The following CATSPERT variants were observed in gnomAD, a reference collection of about 807,000 sequenced individuals.
CATSPERT encodes the protein cation channel sperm-associated targeting subunit tau.
chr2:201,618,570 G>C, the CATSPERT span, among the ~76,000 whole-genome samples: 1 of 131,292 alleles, frequency 7.6e-6, no homozygotes, highest in Non-Finnish European at 1.6e-5. Flanking sequence ...GGGTTGGGGG[G>C]AGGGAGGAGG....
the CATSPERT span, among the ~76,000 whole-genome samples, chr2:201,593,848 C>T: frequency 6.9e-6 from 1 of 145,498 alleles, no homozygotes; most frequent in Non-Finnish European, 1.5e-5. Flanking sequence ...TTCCTCCATC[C>T]TTTTATTTTG....
chr2:201,528,052 T>C, the CATSPERT span, among the ~76,000 whole-genome samples: 1 of 128,042 alleles, frequency 7.8e-6, no homozygotes, highest in Non-Finnish European at 1.7e-5. Flanking sequence ...GGAACTTGAA[T>C]CAACAAGCAA....
the CATSPERT span, among the ~76,000 whole-genome samples, chr2:201,572,926 T>C: frequency 1.3e-5 from 2 of 152,300 alleles, no homozygotes; most frequent in East Asian, 3.9e-4. Flanking sequence ...AAGGCTGATG[T>C]CTTCACTCTC....
the CATSPERT span, among the ~76,000 whole-genome samples, chr2:201,616,578 A>G: frequency 6.6e-6 from 1 of 152,244 alleles, no homozygotes; most frequent in African/African-American, 2.4e-5. Flanking sequence ...AGAGCTATTT[A>G]TGACAAACCC....
chr2:201,608,120 TC>T, the CATSPERT span, among the ~76,000 whole-genome samples: 1 of 152,210 alleles, frequency 6.6e-6, no homozygotes, highest in African/African-American at 2.4e-5. Flanking sequence ...GAGCTGGGAC[TC>T]ATATAGGGTA....
chr2:201,518,431 G>A, the CATSPERT span, among the ~76,000 whole-genome samples: 79 of 152,292 alleles, frequency 5.2e-4, no homozygotes, highest in South Asian at 1.5e-3. Context: ...TAACCAATAG[G>A]ACATCATCTA....
chr2:201,528,603 T>C, the CATSPERT span, among the ~76,000 whole-genome samples: 1 of 152,122 alleles, frequency 6.6e-6, no homozygotes, highest in Non-Finnish European at 1.5e-5. Context: ...AATCATGTCA[T>C]TTGCAGAAAC....
chr2:201,512,179 T>G, the CATSPERT span, among the ~76,000 whole-genome samples: 1 of 152,198 alleles, frequency 6.6e-6, no homozygotes, highest in African/African-American at 2.4e-5. Flanking sequence ...TAGGTAAGTT[T>G]TCTTTTTCGT....
chr2:201,613,264 C>G, the CATSPERT span, among the ~76,000 whole-genome samples: 4 of 152,352 alleles, frequency 2.6e-5, no homozygotes, highest in South Asian at 8.3e-4. Flanking sequence ...TCAAGTGGGT[C>G]CCTGACCCCC....
the CATSPERT span, among the ~76,000 whole-genome samples, chr2:201,609,865 C>CAATTGAAGTA: frequency 6.7e-6 from 1 of 150,076 alleles, no homozygotes; most frequent in Non-Finnish European, 1.5e-5. Context: ...TGAAATAGAA[C>CAATTGAAGTA]CTTTAAAAAG....
At chr2:201,591,370 C>A in the CATSPERT span, among the ~76,000 whole-genome samples, 5 of 152,210 alleles carry the variant, frequency 3.3e-5, no homozygotes, top group Non-Finnish European at 7.3e-5. Context: ...CAGTACCATG[C>A]TGTTTTGGTT....
chr2:201,537,648 A>C, the CATSPERT span, among the ~76,000 whole-genome samples: 1 of 152,090 alleles, frequency 6.6e-6, no homozygotes, highest in South Asian at 2.1e-4. Flanking sequence ...AAGCTGATGA[A>C]TCTCTGGGAA....
At chr2:201,513,794 G>C in the CATSPERT span, among the ~76,000 whole-genome samples, 2 of 152,148 alleles carry the variant, frequency 1.3e-5, no homozygotes, top group African/African-American at 2.4e-5. Flanking sequence ...GGATGCAGCT[G>C]GAGGCCAAAA....
At chr2:201,500,875 C>T in the CATSPERT span, among the ~76,000 whole-genome samples, 12 of 151,954 alleles carry the variant, frequency 7.9e-5, no homozygotes, top group African/African-American at 2.4e-4. Context: ...TATTCTTTTA[C>T]AGTAGAATAA....
At chr2:201,492,439 G>C in the CATSPERT span, 1 of 1,532,854 alleles carries the variant, frequency 6.5e-7, no homozygotes, top group Non-Finnish European at 8.7e-7. Flanking sequence ...GTTTTGTAGA[G>C]ATTTACTTAA....
At chr2:201,593,583 A>C in the CATSPERT span, among the ~76,000 whole-genome samples, 1 of 111,084 alleles carries the variant, frequency 9.0e-6, no homozygotes, top group Non-Finnish European at 1.9e-5. Context: ...TGGGGTGTTA[A>C]AGTTTCCCAT....
the CATSPERT span, among the ~76,000 whole-genome samples, chr2:201,598,137 T>C: frequency 6.6e-6 from 1 of 152,234 alleles, no homozygotes. Context: ...GGTCTCACTC[T>C]GTCACTCAAG....
chr2:201,536,410 T>G, the CATSPERT span: 13 of 1,397,176 alleles, frequency 9.3e-6, no homozygotes, highest in Non-Finnish European at 1.1e-5. Flanking sequence ...AAATCAATTG[T>G]ACCCTTATCC....
the CATSPERT span, among the ~76,000 whole-genome samples, chr2:201,583,785 A>C: frequency 6.6e-6 from 1 of 152,168 alleles, no homozygotes; most frequent in Non-Finnish European, 1.5e-5. Context: ...ACAAATGAGA[A>C]GAGCAAAAAT....
Sources: allele counts gnomAD v4.1 joint callset (sites outside exome capture counted in the v4.1 genomes callset), GRCh38; gene constraint gnomAD v4.1.1; transcripts MANE v1.5; gene names NCBI Gene and HGNC (gene_info 2026-07-23, HGNC 2026-07-21).